ZCWPW1: variants seen among roughly 807,000 people sequenced by gnomAD.
The protein encoded by ZCWPW1 is zinc finger CW-type PWWP domain protein 1.
Under a neutral mutation model 81.3 loss-of-function variants are expected in ZCWPW1, and 56 were observed. That is an observed-to-expected ratio of 0.69 (90% CI 0.56 to 0.86). The LOEUF (loss-of-function observed/expected upper bound fraction) is 0.86. Ranked by LOEUF, ZCWPW1 falls within the 40% of genes least tolerant of loss-of-function variation. ZCWPW1 has a pLI of 0.00. For synonymous variants in ZCWPW1, 250 were observed against 273.7 expected (o/e 0.91, Z 0.86); for missense variants, 650 against 769.8 (o/e 0.84, Z 1.84).
At chr7:100,408,758 G>A in intron 9 of ZCWPW1, 99 bp from the exon 10 acceptor site, 1 of 1,454,006 alleles carries the variant, frequency 6.9e-7, no homozygotes, top group Non-Finnish European at 9.2e-7. Context: ...ATTGGTATAT[G>A]CAGCAGGTGG....
chr7:100,420,930 A>C (rs1156306811), intron 2 of ZCWPW1, among the ~76,000 whole-genome samples: 1 of 152,144 alleles, frequency 6.6e-6, no homozygotes. Context: ...CAGGCAGATC[A>C]CTTCAGCCCA....
intron 14 of ZCWPW1, 110 bp from the exon 15 acceptor site, chr7:100,403,895 T>A: frequency 8.5e-7 from 1 of 1,172,110 alleles, no homozygotes; most frequent in Non-Finnish European, 1.2e-6. Context: ...TGTGTACAAG[T>A]GGTATTTTCT....
chr7:100,418,073 C>G (rs58243214), intron 5 of ZCWPW1, among the ~76,000 whole-genome samples: 2 of 151,906 alleles, frequency 1.3e-5, no homozygotes, highest in Non-Finnish European at 2.9e-5. Context: ...TTAGTAGAGA[C>G]GGGGTTTCAC....
rs918031519 is a variant in ZCWPW1 at position 100,420,025 on chromosome 7, C to A, written c.29-142G>T. On this transcript the variant is annotated intron_variant, in intron 3 of 17. Coordinates refer to ENST00000684423, the MANE Select transcript of ZCWPW1 (RefSeq NM_001386010.1). ...AGATTCCTGGGTCTCTCACTGCTTA[C>A]TCCACTCCTCAGCCCTGAGATGCTG... The A allele has an allele frequency of 1.4e-5, 9 of 661,244 alleles. No homozygotes were observed. The African/African-American group carries it at 1.6e-4, about 12-fold the overall frequency. 41.0% of individuals were successfully genotyped at this position (661,244 alleles called of 1,614,324 possible).
intron 1 of ZCWPW1, among the ~76,000 whole-genome samples, chr7:100,427,543 T>C (rs1204290511): frequency 6.6e-6 from 1 of 151,658 alleles, no homozygotes; most frequent in African/African-American, 2.4e-5. Flanking sequence ...CTACTAAAAA[T>C]ACAAAATTAG....
Position 100,401,966 on chromosome 7 carries a change from C to T in ZCWPW1, c.1550G>A (p.Gly517Asp), listed in dbSNP as rs1260761841. The change falls in exon 17 of 18, where the codon GGC (glycine) becomes GAC (aspartate). Residue 517 changes from glycine to aspartate, a missense_variant. By Grantham distance (94) the Gly-to-Asp change is moderately conservative (BLOSUM62 -1). Transcript: ENST00000684423. Reference sequence around the variant, plus strand: ...TGCAGGAGGAGCTGTGGATTTCCTGCCTAGAGATCTCTTCATTATCTTCCT... The same window carrying T: ...TGCAGGAGGAGCTGTGGATTTCCTGTCTAGAGATCTCTTCATTATCTTCCT... ...LQRKIMKRSL[G>D]RKSTAPPAPR... 3.7e-6 allele frequency: 6 copies of T among 1,614,184 alleles called. No homozygotes were observed. The South Asian group carries it at 6.6e-5, about 18-fold the overall frequency.
chr7:100,419,029 A>C, intron 5 of ZCWPW1, 82 bp downstream of exon 5: 1 of 1,074,754 alleles, frequency 9.3e-7, no homozygotes, highest in Non-Finnish European at 1.4e-6. Context: ...AGAGAAAGAG[A>C]GAAGCTGTCA....
chr7:100,419,976 A>G (rs1796057949), intron 3 of ZCWPW1, 93 bp from the exon 4 acceptor site: 1 of 1,052,326 alleles, frequency 9.5e-7, no homozygotes, highest in Middle Eastern at 2.6e-4. Flanking sequence ...ACAGAATGAT[A>G]TGGAGAGAGC....
chr7:100,402,286 C>G lies in ZCWPW1; in HGVS notation c.1474+230G>C. Reference sequence around the variant, plus strand: ...GAGTCTACCTTCTCCAGAAAGCCATCCTTCTTGGCTAAGAAATTAAAACCT... The same window carrying G: ...GAGTCTACCTTCTCCAGAAAGCCATGCTTCTTGGCTAAGAAATTAAAACCT... On this transcript the variant is annotated intron_variant, in intron 16 of 17. Transcript: ENST00000684423. The G allele has an allele frequency of 1.1e-5, 9 of 827,104 alleles. No homozygotes were observed. In the Admixed American group the frequency reaches 1.5e-4, roughly 14 times the overall value. 51.2% of individuals were successfully genotyped at this position (827,104 alleles called of 1,614,324 possible).
chr7:100,424,279 A>G (rs1292948805), intron 2 of ZCWPW1, among the ~76,000 whole-genome samples: 2 of 152,106 alleles, frequency 1.3e-5, no homozygotes, highest in East Asian at 1.9e-4. Context: ...TTTTAAAAAC[A>G]TATGTCTGGT....
intron 15 of ZCWPW1, 99 bp downstream of exon 15, chr7:100,403,595 G>A (rs1290931955): frequency 9.6e-7 from 1 of 1,045,392 alleles, no homozygotes; most frequent in Non-Finnish European, 1.4e-6. Flanking sequence ...AGGCTGAGGT[G>A]GGAGGATTGC....
At chr7:100,426,286 GAGTTCAAGACCAGCC>G (rs1210548313) in intron 1 of ZCWPW1, among the ~76,000 whole-genome samples, 16 of 152,140 alleles carry the variant, frequency 1.1e-4, no homozygotes, top group Non-Finnish European at 7.4e-5. Flanking sequence ...CTAAGGTCAG[GAGTTCAAGACCAGCC>G]TGACCAACAT....
chr7:100,408,077 A>G (rs1793433212), intron 10 of ZCWPW1, among the ~76,000 whole-genome samples: 1 of 152,108 alleles, frequency 6.6e-6, no homozygotes, highest in African/African-American at 2.4e-5. Context: ...CAGCGTCCTG[A>G]GTAGCTGGGA....
Position 100,401,062 on chromosome 7 carries a change from GTGCT to G in ZCWPW1, c.1898_1901del (p.Gln633ProfsTer?). 1 of 1,614,096 alleles carries G rather than the reference GTGCT, an allele frequency of 6.2e-7. No individual in the cohort carries two copies. On this transcript the variant is annotated frameshift_variant, in exon 18 of 18. Coordinates refer to ENST00000684423, the MANE Select transcript of ZCWPW1 (RefSeq NM_001386010.1). LOFTEE classifies it low-confidence loss of function (END_TRUNC). ...GGAAGTCCTCGCCATCACTGTTGCT[GTGCT>G]GCAGCTCCCCGCTCTGCCCCAGCTC...
At chr7:100,404,420 G>T (rs930066541) in intron 13 of ZCWPW1, among the ~76,000 whole-genome samples, 176 bp from the exon 14 acceptor site, 6 of 152,110 alleles carry the variant, frequency 3.9e-5, no homozygotes, top group African/African-American at 1.2e-4. Context: ...GAGTGCAGTG[G>T]TACAATCTTT....
intron 17 of ZCWPW1, 27 bp from the exon 18 acceptor site, chr7:100,401,363 A>C: frequency 6.6e-7 from 1 of 1,512,880 alleles, no homozygotes; most frequent in Non-Finnish European, 8.8e-7. Context: ...CAAAGCCAAG[A>C]GTCCTATTAG....
At chr7:100,415,688 C>T (rs1795089644) in intron 8 of ZCWPW1, among the ~76,000 whole-genome samples, 1 of 152,104 alleles carries the variant, frequency 6.6e-6, no homozygotes, top group African/African-American at 2.4e-5. Context: ...CTTCTATTAC[C>T]TTTTTTACCA....
At chr7:100,409,113 C>T (rs770721709) in intron 9 of ZCWPW1, among the ~76,000 whole-genome samples, 1 of 152,096 alleles carries the variant, frequency 6.6e-6, no homozygotes, top group Admixed American at 6.6e-5. Context: ...CTGTTTTCCC[C>T]GATATATCCT....
intron 9 of ZCWPW1, 109 bp from the exon 10 acceptor site, chr7:100,408,768 G>C: frequency 1.5e-6 from 2 of 1,301,944 alleles, no homozygotes; most frequent in Non-Finnish European, 2.1e-6. Context: ...GCAGCAGGTG[G>C]GACCAAAGGG....
Sources: allele counts gnomAD v4.1 joint callset (sites outside exome capture counted in the v4.1 genomes callset), GRCh38; gene constraint gnomAD v4.1.1; transcripts MANE v1.5; gene names NCBI Gene and HGNC (gene_info 2026-07-23, HGNC 2026-07-21).